The following PRKN variants were observed in gnomAD, a reference collection of about 807,000 sequenced individuals.
PRKN encodes E3 ubiquitin-protein ligase parkin.
Under a neutral mutation model 59.5 loss-of-function variants are expected in PRKN, and 56 were observed. The observed-to-expected ratio is 0.94, with a 90% CI of 0.76 to 1.18. The LOEUF is 1.18. Ranked by LOEUF, PRKN falls within the 50% of genes most tolerant of loss-of-function variation. PRKN has a pLI of 0.00. For missense variants in PRKN, 657 were observed against 596.4 expected, an observed-to-expected ratio of 1.10 and a Z score of -1.06; for synonymous variants, 250 against 222.1, an observed-to-expected ratio of 1.13 and a Z score of -1.12.
At chr6:161,912,475 G>A (rs1023578795) in intron 6 of PRKN, among the ~76,000 whole-genome samples, 7 of 151,362 alleles carry the variant, frequency 4.6e-5, no homozygotes, top group East Asian at 3.9e-4. Flanking sequence ...AGAATGTGAC[G>A]GACGCTTCAG....
rs1786373140 is a variant in PRKN, at chr6:161,388,705, T to G, written c.1084-1828A>C. 6.6e-6 allele frequency among the ~76,000 whole-genome samples: 1 copy of G among 152,218 alleles called. No homozygotes were observed. The highest frequency in any genetic ancestry group is 6.5e-5 in the Admixed American group (1 of 15,284). On this transcript the variant is annotated intron_variant, in intron 9 of 11. Coordinates refer to ENST00000366898, the MANE Select transcript of PRKN (RefSeq NM_004562.3). The surrounding 1 kb of genome is among the most constrained non-coding windows in gnomAD (Gnocchi z 4.3). ...GCCTCAAGAAACCAGAAGCTTCCAT[T>G]TCCTGTTGGGACACTTGCTCTTGAA...
chr6:162,083,635 T>C (rs1189583775), intron 4 of PRKN, among the ~76,000 whole-genome samples: 1 of 152,134 alleles, frequency 6.6e-6, no homozygotes, highest in Non-Finnish European at 1.5e-5. Flanking sequence ...TCCTCCTGTC[T>C]AGTAATAGAA....
chr6:162,451,324 C>G (rs1460425084), intron 1 of PRKN, among the ~76,000 whole-genome samples: 1 of 82,260 alleles, frequency 1.2e-5, no homozygotes, highest in African/African-American at 4.7e-5. Context: ...AACTAGGAAA[C>G]AAAATTTTAA....
intron 9 of PRKN, among the ~76,000 whole-genome samples, chr6:161,507,488 G>C (rs1421474518): frequency 6.6e-6 from 1 of 152,120 alleles, no homozygotes; most frequent in East Asian, 1.9e-4. Context: ...ATGGGGTGGG[G>C]AACCGCCAAT....
rs1554251159 is a variant in PRKN at position 161,352,769 on chromosome 6, A to ATTTT, written c.1286-2559_1286-2558insAAAA. 8.4e-6 allele frequency among the ~76,000 whole-genome samples: 1 copy of ATTTT among 119,448 alleles called. No homozygotes were observed. The highest frequency in any genetic ancestry group is 2.9e-5 in the African/African-American group (1 of 34,328). 78.4% of individuals were successfully genotyped at this position (119,448 alleles called of 152,430 possible). ...TGTGTGTGTGTGTATATATATATAT[A>ATTTT]TATTTTATTTTATTTTATTTTATTT... On this transcript the variant is annotated intron_variant, in intron 11 of 11. Transcript: ENST00000366898. This position sits in a 1 kb window ranked among gnomAD's most constrained non-coding sequence, Gnocchi z 5.8.
chr6:161,999,651 T>C (rs1310312528), intron 5 of PRKN, among the ~76,000 whole-genome samples: 1 of 152,084 alleles, frequency 6.6e-6, no homozygotes, highest in Non-Finnish European at 1.5e-5. Context: ...ACTATGGTGA[T>C]TGTTAGCTGC....
intron 9 of PRKN, among the ~76,000 whole-genome samples, chr6:161,524,635 G>A (rs969581213): frequency 6.6e-6 from 1 of 152,006 alleles, no homozygotes; most frequent in Non-Finnish European, 1.5e-5. Flanking sequence ...AATTCCAGAG[G>A]GATTATGCTT....
intron 1 of PRKN, among the ~76,000 whole-genome samples, chr6:162,503,157 T>TTTTG (rs1793449986): frequency 3.3e-5 from 5 of 149,354 alleles, no homozygotes; most frequent in African/African-American, 7.4e-5. Context: ...TTTTTTTTTT[T>TTTTG]TTGTTGGCCG....
intron 5 of PRKN, among the ~76,000 whole-genome samples, chr6:162,016,250 T>C (rs761909570): frequency 6.6e-6 from 1 of 152,188 alleles, no homozygotes; most frequent in Admixed American, 6.5e-5. Context: ...ATCACATACA[T>C]GAATTTAATT....
intron 7 of PRKN, among the ~76,000 whole-genome samples, chr6:161,634,085 T>A (rs991850557): frequency 6.6e-5 from 10 of 151,172 alleles, no homozygotes; most frequent in Admixed American, 1.3e-4. Context: ...CTCCTAAGAC[T>A]GTAAGTGAGT....
chr6:162,428,455 C>T (rs556144784), intron 2 of PRKN, among the ~76,000 whole-genome samples: 4 of 152,244 alleles, frequency 2.6e-5, no homozygotes, highest in Admixed American at 6.5e-5. Flanking sequence ...TACTGGAGAT[C>T]GCCACCTAAA....
At chr6:161,469,284 G>A (rs557006839) in intron 9 of PRKN, among the ~76,000 whole-genome samples, 71 of 152,172 alleles carry the variant, frequency 4.7e-4, no homozygotes, top group Non-Finnish European at 5.6e-4. Context: ...CCCCTTCACT[G>A]GGCACCCATT....
At chr6:161,412,316 G>A (rs1365549565) in intron 9 of PRKN, among the ~76,000 whole-genome samples, 39 of 104,754 alleles carry the variant, frequency 3.7e-4, no homozygotes, top group South Asian at 3.2e-4. Context: ...TCACTCATTC[G>A]TCCACTCACT....
chr6:162,178,778 G>A (rs367936942), intron 4 of PRKN, among the ~76,000 whole-genome samples: 1 of 152,102 alleles, frequency 6.6e-6, no homozygotes, highest in African/African-American at 2.4e-5. Context: ...TCCCTATCTG[G>A]GGTAAAAGCC....
chr6:161,994,858 A>G (rs1210929181), intron 5 of PRKN, among the ~76,000 whole-genome samples: 1 of 152,036 alleles, frequency 6.6e-6, no homozygotes, highest in Non-Finnish European at 1.5e-5. Flanking sequence ...GACCGAATTA[A>G]TATTGTTAAA....
At chr6:162,193,728 T>G (rs1484331841) in intron 4 of PRKN, among the ~76,000 whole-genome samples, 2 of 152,180 alleles carry the variant, frequency 1.3e-5, no homozygotes, top group Non-Finnish European at 2.9e-5. Flanking sequence ...CTGGCCAACT[T>G]ACCTAATCGT....
chr6:161,674,745 ACATCT>A (rs1186159571), intron 7 of PRKN, among the ~76,000 whole-genome samples: 1 of 152,188 alleles, frequency 6.6e-6, no homozygotes, highest in Non-Finnish European at 1.5e-5. Flanking sequence ...ATAATCTGTG[ACATCT>A]CAGCTCTGAT....
At chr6:162,507,616 T>C (rs528883639) in intron 1 of PRKN, among the ~76,000 whole-genome samples, 2 of 152,192 alleles carry the variant, frequency 1.3e-5, no homozygotes, top group Non-Finnish European at 2.9e-5. Context: ...CTAGGTAAAT[T>C]AACTGATAGG....
chr6:161,509,414 C>G (rs954502651), intron 9 of PRKN, among the ~76,000 whole-genome samples: 2 of 152,008 alleles, frequency 1.3e-5, no homozygotes, highest in Non-Finnish European at 2.9e-5. Context: ...AAACTCAAGG[C>G]TTTTAGAGCC....
Sources: gnomAD v4.1 joint callset for allele counts (sites outside exome capture counted in the v4.1 genomes callset) on GRCh38, gnomAD v4.1.1 for gene constraint, Gnocchi (gnomAD v3.1) non-coding constraint, MANE v1.5 for transcripts, NCBI Gene and HGNC (gene_info 2026-07-23, HGNC 2026-07-21) for gene names.